ZNF480: variants seen among roughly 807,000 people sequenced by gnomAD.
ZNF480 encodes zinc finger protein 480.
ZNF480 carries 15 observed loss-of-function variants against 14.4 expected under a neutral mutation model. The ratio of observed to expected loss-of-function variants is 1.04; its 90% confidence interval spans 0.70 to 1.60. The LOEUF (loss-of-function observed/expected upper bound fraction) is 1.60. ZNF480 is among the 40% of genes most tolerant of loss of function. ZNF480 has a pLI of 0.00. For synonymous variants in ZNF480, 218 were observed against 215.5 expected (o/e 1.01, Z -0.10); for missense variants, 593 against 629.7 (o/e 0.94, Z 0.62).
Position 52,322,001 on chromosome 19 carries a change from A to G in ZNF480, c.751A>G (p.Arg251Gly). 1.2e-6 allele frequency: 2 copies of G among 1,612,484 alleles called. No homozygotes were observed. Among genetic ancestry groups the G allele is most frequent in the Non-Finnish European group, 1.7e-6 (2 of 1,178,658 alleles). ...SRNSHLAEHCRIHTGEKPYKC... is the reference protein window; with the variant it reads ...SRNSHLAEHCGIHTGEKPYKC... ...CAATTCACACCTTGCAGAACATTGT[A>G]GAATTCATACTGGAGAGAAACCTTA... The change falls in exon 5 of 5, where the codon AGA becomes GGA. Residue 251 changes from arginine to glycine, a missense_variant. By Grantham distance (125) the Arg-to-Gly change is moderately radical (BLOSUM62 -2). Transcript: ENST00000595962.
At chr19:52,301,080 C>G (rs1332182250) in intron 2 of ZNF480, 1 of 152,752 alleles carries the variant, frequency 6.5e-6, no homozygotes, top group Non-Finnish European at 1.5e-5. Context: ...TCTTTAAAGC[C>G]TGTTGCCAGC....
intron 4 of ZNF480, among the ~76,000 whole-genome samples, chr19:52,318,192 C>T (rs757166066): frequency 2.0e-5 from 3 of 152,060 alleles, no homozygotes; most frequent in Admixed American, 6.6e-5. Flanking sequence ...CTGGTACCTG[C>T]GCCTCCCAGG....
chr19:52,315,903 G>C lies in ZNF480; in HGVS notation c.269G>C (p.Ser90Thr). The change falls in exon 4 of 5, where the codon AGT becomes ACT. Residue 90 changes from serine (S) to threonine (T), a missense_variant. Coordinates refer to ENST00000595962, the MANE Select transcript of ZNF480 (RefSeq NM_144684.4). ...AGGAGGGAGCCCTGGTCTGGTGAGAGTGAAGTGAAAATAGCAAAAAATTCA... is the reference window on the plus strand; with the variant it reads ...AGGAGGGAGCCCTGGTCTGGTGAGACTGAAGTGAAAATAGCAAAAAATTCA... Reference protein sequence around the residue: ...EQRREPWSGESEVKIAKNSDG... With the variant: ...EQRREPWSGETEVKIAKNSDG... The C allele has an allele frequency of 6.2e-7, 1 of 1,613,216 alleles. No individual in the cohort carries two copies. Among genetic ancestry groups the C allele is most frequent in the African/African-American group, 1.3e-5 (1 of 74,982 alleles).
In ZNF480 at chr19:52,321,711, T is replaced by C. The variant is rs1382486216; in HGVS notation, c.461T>C (p.Val154Ala). The change falls in exon 5 of 5, where the codon GTT becomes GCT. Residue 154 changes from valine to alanine, a missense_variant. Val to Ala is a moderately conservative substitution (Grantham distance 64, BLOSUM62 0). Transcript: ENST00000595962. ...DERVINGCNQ[V>A]ENFINHSSSV... ...AGGGTAATAAATGGATGTAATCAAG[T>C]TGAAAACTTTATCAACCACAGTTCC... 4 of 1,613,966 alleles carry C rather than the reference T, an allele frequency of 2.5e-6. No homozygotes were observed. Among genetic ancestry groups the C allele is most frequent in the African/African-American group, 1.3e-5 (1 of 74,936 alleles).
In ZNF480 at chr19:52,323,299, T is replaced by A. The variant is rs1420510492; in HGVS notation, c.*441T>A. The A allele has an allele frequency of 6.5e-6, 1 of 152,842 alleles. No individual in the cohort carries two copies. The highest frequency in any genetic ancestry group is 1.5e-5 in the Non-Finnish European group (1 of 68,756). The allele number at this position is 152,842 out of a possible 1,614,324, so 9.5% of individuals were successfully genotyped here. A position where few individuals can be genotyped will look rare whatever the true frequency, so the allele number is the denominator to read the frequency against. On this transcript the variant is annotated 3_prime_UTR_variant, in exon 5 of 5. Transcript: ENST00000595962. ...ACAGACCAATAATGAGTTCCAAAATTTAATCACTAATTAAAAATCTATCAA... is the reference window on the plus strand; with the variant it reads ...ACAGACCAATAATGAGTTCCAAAATATAATCACTAATTAAAAATCTATCAA...
chr19:52,306,631 C>G (rs1004634732), intron 2 of ZNF480, among the ~76,000 whole-genome samples: 5 of 152,096 alleles, frequency 3.3e-5, no homozygotes, highest in African/African-American at 1.2e-4. Flanking sequence ...TTTAACAGTC[C>G]CATTACAAAA....
chr19:52,322,289 G>A lies in ZNF480; in HGVS notation c.1039G>A (p.Glu347Lys). 1 of 1,613,960 alleles carries A rather than the reference G, an allele frequency of 6.2e-7. No individual in the cohort carries two copies. Among genetic ancestry groups the A allele is most frequent in the Non-Finnish European group, 8.5e-7 (1 of 1,179,972 alleles). The change falls in exon 5 of 5, where the codon GAA becomes AAA. Residue 347 changes from glutamate (E) to lysine (K), a missense_variant. Transcript: ENST00000595962. ...TGGAGAGAAGCCTTACAAATGTGAT[G>A]AATGTGGCAAGGCCTTCTATAGGAT... The part of the protein sequence containing the change: ...YTGEKPYKCD[E>K]CGKAFYRIAL...
At chr19:52,313,927 C>G (rs991160973) in intron 2 of ZNF480, 1 of 388,426 alleles carries the variant, frequency 2.6e-6, no homozygotes, top group South Asian at 1.9e-5. Context: ...TGCAGTGAGC[C>G]GAGATTGCAC....
intron 1 of ZNF480, 27 bp downstream of exon 1, chr19:52,297,250 C>A (rs1329552476): frequency 1.1e-5 from 5 of 449,296 alleles, no homozygotes; most frequent in Non-Finnish European, 2.2e-5. Context: ...GTAAATTAAT[C>A]TGCGCTTCCC....
chr19:52,304,707 A>G (rs1223887083), intron 2 of ZNF480, among the ~76,000 whole-genome samples: 6 of 151,992 alleles, frequency 3.9e-5, no homozygotes, highest in Non-Finnish European at 8.8e-5. Flanking sequence ...CTTGCATCGT[A>G]TGCTGACTTT....
intron 4 of ZNF480, among the ~76,000 whole-genome samples, chr19:52,320,554 C>T (rs1355234939): frequency 3.9e-5 from 6 of 152,058 alleles, no homozygotes; most frequent in East Asian, 1.9e-4. Context: ...CCAGCACTTT[C>T]GGAGGCTGAG....
chr19:52,313,134 CTTTT>C (rs33954410), intron 2 of ZNF480, among the ~76,000 whole-genome samples: 16 of 131,720 alleles, frequency 1.2e-4, no homozygotes, highest in Non-Finnish European at 8.1e-5. Flanking sequence ...AATTCTTTCT[CTTTT>C]TTTTTTTTTT....
chr19:52,317,209 G>A (rs961621766), intron 4 of ZNF480, among the ~76,000 whole-genome samples: 15 of 151,896 alleles, frequency 9.9e-5, no homozygotes, highest in African/African-American at 3.6e-4. Flanking sequence ...GTAGAGACAG[G>A]GTTTCACCAT....
At chr19:52,302,797 C>T (rs909725106) in intron 2 of ZNF480, among the ~76,000 whole-genome samples, 1 of 152,212 alleles carries the variant, frequency 6.6e-6, no homozygotes, top group African/African-American at 2.4e-5. Context: ...GATTTAGCTT[C>T]TTTCCAGGTA....
At chr19:52,310,203 C>A (rs1404929758) in intron 2 of ZNF480, among the ~76,000 whole-genome samples, 1 of 151,766 alleles carries the variant, frequency 6.6e-6, no homozygotes, top group East Asian at 1.9e-4. Context: ...TTACAGGCAC[C>A]CACCACCATG....
chr19:52,314,240 G>A lies in ZNF480; in HGVS notation c.160G>A (p.Asp54Asn), dbSNP rs138666276. The change falls in exon 3 of 5, where the codon GAT becomes AAT. Residue 54 changes from aspartate (D) to asparagine (N), a missense_variant. Asp to Asn is a conservative substitution (Grantham distance 23). Coordinates refer to ENST00000595962, the MANE Select transcript of ZNF480 (RefSeq NM_144684.4). ...CCCTGCACAGAGGGCTTTATACAAGGATGTGATGTTGGAGAACTACAGGAA... is the reference window on the plus strand; with the variant it reads ...CCCTGCACAGAGGGCTTTATACAAGAATGTGATGTTGGAGAACTACAGGAA... ...LDPAQRALYK[D>N]VMLENYRNLV... 7.9e-5 allele frequency: 125 copies of A among 1,579,528 alleles called. No individual in the cohort carries two copies. In the African/African-American group the frequency reaches 1.4e-3, roughly 18 times the overall value.
intron 2 of ZNF480, among the ~76,000 whole-genome samples, chr19:52,311,074 TATATC>T (rs553691871): frequency 1.8e-4 from 27 of 151,830 alleles, no homozygotes; most frequent in Admixed American, 1.6e-3. Flanking sequence ...GTTGAATTAT[TATATC>T]ATATTAATAA....
rs969747036 is a variant in ZNF480 at position 52,325,269 on chromosome 19, A to G, written c.*2411A>G. 2 of 152,220 alleles carry G rather than the reference A, an allele frequency of 1.3e-5. No individual in the cohort carries two copies. Among genetic ancestry groups the G allele is most frequent in the Middle Eastern group, 3.2e-3 (1 of 316 alleles). The allele number at this position is 152,220 out of a possible 1,614,324, so 9.4% of individuals were successfully genotyped here. On this transcript the variant is annotated 3_prime_UTR_variant, in exon 5 of 5. Coordinates refer to ENST00000595962, the MANE Select transcript of ZNF480 (RefSeq NM_144684.4). ...CAGAATGGGTATTATTAAAAAATCA[A>G]AACATAGATGCTAGTGAGGCTGCAG...
intron 4 of ZNF480, among the ~76,000 whole-genome samples, chr19:52,320,890 A>T (rs1044472899): frequency 2.6e-5 from 4 of 152,130 alleles, no homozygotes; most frequent in Admixed American, 2.6e-4. Context: ...AGCAGGAGAG[A>T]TCGCTTGAGC....
Sources: gnomAD v4.1 joint callset for allele counts (sites outside exome capture counted in the v4.1 genomes callset) on GRCh38, gnomAD v4.1.1 for gene constraint, MANE v1.5 for transcripts, NCBI Gene and HGNC (gene_info 2026-07-23, HGNC 2026-07-21) for gene names.